CKAP2: variants seen among roughly 807,000 people sequenced by gnomAD.
CKAP2 encodes the protein cytoskeleton-associated protein 2.
CKAP2 carries 46 observed loss-of-function variants against 58.4 expected under a neutral mutation model. That is an observed-to-expected ratio of 0.79 (90% confidence interval 0.62 to 1.01). CKAP2 has a LOEUF of 1.01. Among genes scored for constraint, CKAP2 ranks in the 50% least tolerant of loss-of-function variants. CKAP2 has a pLI of 0.00. For synonymous variants in CKAP2, 293 were observed against 280.9 expected, an observed-to-expected ratio of 1.04 and a Z score of -0.43; for missense variants, 809 against 796.4, an observed-to-expected ratio of 1.02 and a Z score of -0.19.
intron 6 of CKAP2, among the ~76,000 whole-genome samples, chr13:52,466,954 GT>G (rs879875807): frequency 3.4e-5 from 5 of 148,896 alleles, no homozygotes; most frequent in Admixed American, 6.7e-5. Context: ...AATTTTTAAA[GT>G]TTTTTTTTTG....
chr13:52,475,294 T>TAGTAA lies in CKAP2; in HGVS notation c.*154_*155insGTAAA. ...TGAGCTCCTTTACTAACATTCATGT[T>TAGTAA]ATGGCAAGAGTTGTCCTCTACATTG... On this transcript the variant is annotated 3_prime_UTR_variant, in exon 9 of 9. Transcript: ENST00000258607. The TAGTAA allele has an allele frequency of 2.1e-6, 2 of 935,062 alleles. No individual in the cohort carries two copies. Among genetic ancestry groups the TAGTAA allele is most frequent in the Non-Finnish European group, 3.1e-6 (2 of 636,570 alleles). The allele number at this position is 935,062 out of a possible 1,614,324, so 57.9% of individuals were successfully genotyped here.
intron 1 of CKAP2, chr13:52,455,980 C>T: frequency 2.7e-6 from 3 of 1,091,310 alleles, no homozygotes; most frequent in Non-Finnish European, 3.3e-6. Context: ...ACTGCGCCTG[C>T]GCTGGGTCCT....
chr13:52,463,425 A>G (rs1377333648), intron 5 of CKAP2, among the ~76,000 whole-genome samples: 3 of 152,028 alleles, frequency 2.0e-5, no homozygotes, highest in African/African-American at 2.4e-5. Context: ...TTTCCATGCT[A>G]CCAATAAGCA....
At chr13:52,469,165 T>C (rs184774788) in intron 7 of CKAP2, among the ~76,000 whole-genome samples, 2 of 152,380 alleles carry the variant, frequency 1.3e-5, no homozygotes, top group Admixed American at 6.5e-5. Context: ...TTTTAAAATA[T>C]GTAGGTTTCT....
intron 5 of CKAP2, 72 bp downstream of exon 5, chr13:52,462,639 ATATTGT>A: frequency 8.2e-7 from 1 of 1,217,488 alleles, no homozygotes; most frequent in East Asian, 2.4e-5. Flanking sequence ...TCATTAAATT[ATATTGT>A]CAGTCTTTTT....
At position 52,474,850 on chromosome 13, in the gene CKAP2, A is replaced by T. The variant is rs769347697; in HGVS notation, c.1803-45A>T. 7 of 1,576,988 alleles carry T rather than the reference A, an allele frequency of 4.4e-6. No individual in the cohort carries two copies. The Admixed American group carries it at 1.0e-4, about 24-fold the overall frequency. On this transcript the variant is annotated intron_variant, in intron 8 of 8. Coordinates refer to ENST00000258607, the MANE Select transcript of CKAP2 (RefSeq NM_018204.5). Reference sequence around the variant, plus strand: ...CATATCATGAAAGTACAGAGTAAAAATGTTAACATGTTTTTGAACTCTGGA... The same window carrying T: ...CATATCATGAAAGTACAGAGTAAAATTGTTAACATGTTTTTGAACTCTGGA...
Position 52,475,342 on chromosome 13 carries a change from G to A in CKAP2, c.*201G>A, listed in dbSNP as rs1594147099. 1.7e-6 allele frequency: 1 copy of A among 599,156 alleles called. No individual in the cohort carries two copies. Among genetic ancestry groups the A allele is most frequent in the East Asian group, 3.0e-5 (1 of 33,318 alleles). 37.1% of individuals were successfully genotyped at this position (599,156 alleles called of 1,614,324 possible). ...TTGGAAAGCTAATCCTACCTTGTCA[G>A]TTTCAACCAACTGAGTTTTTTCTTT... is the stretch of plus-strand genomic sequence containing the variant. On this transcript the variant is annotated 3_prime_UTR_variant, in exon 9 of 9. Coordinates refer to ENST00000258607, the MANE Select transcript of CKAP2 (RefSeq NM_018204.5).
chr13:52,471,763 TTTC>T (rs1958763948), intron 7 of CKAP2, among the ~76,000 whole-genome samples: 1 of 152,230 alleles, frequency 6.6e-6, no homozygotes, highest in Admixed American at 6.5e-5. Flanking sequence ...TTCCTAAGTA[TTTC>T]TTAAGATCTA....
At chr13:52,467,120 A>T (rs1958690920) in intron 6 of CKAP2, among the ~76,000 whole-genome samples, 1 of 144,512 alleles carries the variant, frequency 6.9e-6, no homozygotes, top group Non-Finnish European at 1.5e-5. Context: ...AAAAAAAAAA[A>T]TTAGCCAAGA....
intron 7 of CKAP2, among the ~76,000 whole-genome samples, chr13:52,473,292 C>T (rs1008310150): frequency 1.3e-5 from 2 of 151,944 alleles, no homozygotes; most frequent in African/African-American, 2.4e-5. Context: ...ATCTAGCTCT[C>T]TGGTGAATTT....
At chr13:52,465,149 AC>A in intron 5 of CKAP2, 145 bp from the exon 6 acceptor site, 1 of 618,216 alleles carries the variant, frequency 1.6e-6, no homozygotes, top group East Asian at 2.8e-5. Context: ...TTCATTTTTT[AC>A]TAATAAATTT....
chr13:52,470,266 C>T (rs575042464), intron 7 of CKAP2, among the ~76,000 whole-genome samples: 12 of 152,120 alleles, frequency 7.9e-5, no homozygotes, highest in Admixed American at 1.3e-4. Context: ...CCACCTTGCC[C>T]GGCTAATTTT....
intron 2 of CKAP2, among the ~76,000 whole-genome samples, chr13:52,460,269 T>C (rs1420512479): frequency 6.6e-6 from 1 of 152,140 alleles, no homozygotes; most frequent in Non-Finnish European, 1.5e-5. Flanking sequence ...ATGTAGTACA[T>C]CTGTTACTAA....
intron 6 of CKAP2, among the ~76,000 whole-genome samples, chr13:52,467,664 G>A (rs1021801295): frequency 2.6e-5 from 4 of 151,686 alleles, no homozygotes; most frequent in Non-Finnish European, 5.9e-5. Context: ...AGCCGAGATC[G>A]CACCACTGCA....
intron 2 of CKAP2, 144 bp from the exon 3 acceptor site, chr13:52,460,755 T>C (rs1246136562): frequency 2.7e-6 from 2 of 739,508 alleles, no homozygotes; most frequent in East Asian, 5.9e-5. Context: ...CCTGGCCGCT[T>C]AGGACAAATT....
rs769242285 is a variant in CKAP2 at position 52,465,960 on chromosome 13, CAT to C, written c.1476+501_1476+502del. The C allele has an allele frequency of 1.2e-3, 162 of 136,040 alleles. 1 individual carries two copies. Among genetic ancestry groups the C allele is most frequent in the Non-Finnish European group, 1.7e-3 (114 of 65,690 alleles). 8.4% of individuals were successfully genotyped at this position (136,040 alleles called of 1,614,324 possible). ...ATATATATACACATATATATGCACA[CAT>C]ATATACACACATATATGCACACATA... On this transcript the variant is annotated intron_variant, in intron 6 of 8. Transcript: ENST00000258607.
chr13:52,455,503 G>C lies in CKAP2; in HGVS notation c.-54G>C, dbSNP rs1958460201. On this transcript the variant is annotated 5_prime_UTR_variant, in exon 1 of 9. Transcript: ENST00000258607. ...GCAGACTGCGGCGGCGGTGGTCTGAGGAAGTTCTATCTTGGCGCTAAAGCG... is the reference window on the plus strand; with the variant it reads ...GCAGACTGCGGCGGCGGTGGTCTGACGAAGTTCTATCTTGGCGCTAAAGCG... The C allele has an allele frequency of 6.2e-7, 1 of 1,606,952 alleles. No individual in the cohort carries two copies. Among genetic ancestry groups the C allele is most frequent in the Non-Finnish European group, 8.5e-7 (1 of 1,174,560 alleles).
Position 52,475,283 on chromosome 13 carries a change from A to G in CKAP2, c.*142A>G. On this transcript the variant is annotated 3_prime_UTR_variant, in exon 9 of 9. Coordinates refer to ENST00000258607, the MANE Select transcript of CKAP2 (RefSeq NM_018204.5). ...ATTCACGGCAGTGAGCTCCTTTACT[A>G]ACATTCATGTTATGGCAAGAGTTGT... 1.0e-6 allele frequency: 1 copy of G among 999,314 alleles called. No individual in the cohort carries two copies. The highest frequency in any genetic ancestry group is 1.9e-5 in the South Asian group (1 of 53,386). 61.9% of individuals were successfully genotyped at this position (999,314 alleles called of 1,614,324 possible). A position where few individuals can be genotyped will look rare whatever the true frequency, so the allele number is the denominator to read the frequency against.
chr13:52,465,487 C>T, intron 6 of CKAP2, 22 bp downstream of exon 6: 1 of 1,590,456 alleles, frequency 6.3e-7, no homozygotes, highest in Non-Finnish European at 8.6e-7. Context: ...ATTTACTGAT[C>T]TTTACAATTA....
Sources: gnomAD v4.1 joint callset for allele counts (sites outside exome capture counted in the v4.1 genomes callset) on GRCh38, gnomAD v4.1.1 for gene constraint, MANE v1.5 for transcripts, NCBI Gene and HGNC (gene_info 2026-07-23, HGNC 2026-07-21) for gene names.